The following CSPG5 variants were observed in gnomAD, a reference collection of about 807,000 sequenced individuals.
The protein encoded by CSPG5 is acidic leucine-rich EGF-like domain-containing brain protein.
A neutral mutation model predicts 39.8 loss-of-function variants in CSPG5; 25 were observed. The ratio of observed to expected loss-of-function variants is 0.63; its 90% CI spans 0.46 to 0.88. The LOEUF is 0.88. Ranked by LOEUF, CSPG5 falls within the 40% of genes least tolerant of loss-of-function variation. The pLI is 0.00. For synonymous variants in CSPG5, 295 were observed against 303.9 expected, an observed-to-expected ratio of 0.97 and a Z score of 0.31; for missense variants, 627 against 702.2, an observed-to-expected ratio of 0.89 and a Z score of 1.21.
intron 3 of CSPG5, among the ~76,000 whole-genome samples, 156 bp from the exon 4 acceptor site, chr3:47,569,383 C>T (rs1476490518): frequency 6.6e-6 from 1 of 151,742 alleles, no homozygotes; most frequent in Non-Finnish European, 1.5e-5. Context: ...GTGGGCAGAT[C>T]ACTCGAGGTC....
In CSPG5 at chr3:47,562,424, CTTATT is replaced by C. The variant is rs2031114076; in HGVS notation, c.*171_*175del. On this transcript the variant is annotated 3_prime_UTR_variant, in exon 5 of 5. Transcript: ENST00000264723. ...TATGCAATTCTGTTCAGTTTCTTTG[CTTATT>C]TTAAGTATTTTTTTGCCTCCTGTAC... The C allele has an allele frequency of 5.4e-6, 3 of 553,054 alleles. No homozygotes were observed. The highest frequency in any genetic ancestry group is 3.3e-5 in the South Asian group (1 of 30,486). The allele number at this position is 553,054 out of a possible 1,614,324, so 34.3% of individuals were successfully genotyped here.
rs2031121763 is a variant in CSPG5, at chr3:47,562,542, A to G, written c.*58T>C. On this transcript the variant is annotated 3_prime_UTR_variant, in exon 5 of 5. Coordinates refer to ENST00000264723, the MANE Select transcript of CSPG5 (RefSeq NM_006574.4). ...AAATAGACTCTGTACAAGAGGAGAT[A>G]ATGTTTCTTCCCCTACCCCCCACCC... 12 of 1,460,220 alleles carry G rather than the reference A, an allele frequency of 8.2e-6. No homozygotes were observed. Among genetic ancestry groups the G allele is most frequent in the Non-Finnish European group, 1.1e-5 (12 of 1,052,944 alleles). 90.5% of individuals were successfully genotyped at this position (1,460,220 alleles called of 1,614,324 possible).
At chr3:47,575,695 G>A (rs555754386) in intron 2 of CSPG5, among the ~76,000 whole-genome samples, 230 of 152,184 alleles carry the variant, frequency 1.5e-3, no homozygotes, top group Non-Finnish European at 2.6e-3. Flanking sequence ...TGCATTTTGG[G>A]GTCTGTTTCC....
rs1017139342 is a variant in CSPG5 at position 47,562,490 on chromosome 3, GAA to G, written c.*108_*109del. 43 of 1,116,574 alleles carry G rather than the reference GAA, an allele frequency of 3.9e-5. 1 individual carries two copies. In the African/African-American group the frequency reaches 4.7e-4, roughly 12 times the overall value. 69.2% of individuals were successfully genotyped at this position (1,116,574 alleles called of 1,614,324 possible). On this transcript the variant is annotated 3_prime_UTR_variant, in exon 5 of 5. Coordinates refer to ENST00000264723, the MANE Select transcript of CSPG5 (RefSeq NM_006574.4). ...AAAGCATGCCATGAGATCAGAAAAA[GAA>G]AAGAGTTTAACAAATGGTTACAAGA...
At position 47,562,691 on chromosome 3, in the gene CSPG5, T is replaced by G; in HGVS notation, c.1529A>C (p.Asn510Thr). Residue 510 changes from asparagine (N) to threonine (T), a missense_variant, in exon 5 of 5, where the codon AAC (asparagine) becomes ACC (threonine). Transcript: ENST00000264723. The stretch of plus-strand genomic sequence containing the variant: ...TTTGGGCGACATGGAGTTCTGGATG[T>G]TAAATGACTCCTCCTCTTTCAGGCA... The part of the protein sequence containing the change: ...KSCLKEEESF[N>T]IQNSMSPKLE... 4 of 1,614,092 alleles carry G rather than the reference T, an allele frequency of 2.5e-6. No individual in the cohort carries two copies. Among genetic ancestry groups the G allele is most frequent in the Non-Finnish European group, 3.4e-6 (4 of 1,180,010 alleles).
chr3:47,571,215 C>T (rs935198358), intron 3 of CSPG5, among the ~76,000 whole-genome samples: 22 of 151,828 alleles, frequency 1.4e-4, no homozygotes, highest in Non-Finnish European at 4.4e-5. Context: ...TGCAGTGCAC[C>T]AGGCACATGT....
chr3:47,579,091 G>C (rs1396037242), upstream of CSPG5: 1 of 156,506 alleles, frequency 6.4e-6, no homozygotes, highest in Admixed American at 6.5e-5. The surrounding 1 kb of genome is among the most constrained non-coding windows in gnomAD (Gnocchi z 4.2). Flanking sequence ...GGCGTTAGGC[G>C]GCAGGTGCAC....
In CSPG5 at chr3:47,578,676, G is replaced by A; in HGVS notation, c.18C>T (p.Gly6=). Residue 6 remains glycine (G), a synonymous_variant, in exon 1 of 5, where the codon GGC becomes GGT. Coordinates refer to ENST00000264723, the MANE Select transcript of CSPG5 (RefSeq NM_006574.4). The surrounding 1 kb of genome is among the most constrained non-coding windows in gnomAD (Gnocchi z 6.0). The part of the protein sequence containing the change: MGRAG[G]GGPGRGPPPL... ...GCGGCGGCCCCCGGCCCGGGCCCCC[G>A]CCCCCGGCTCGCCCCATGGCGCGGC... is the stretch of plus-strand genomic sequence containing the variant. The A allele has an allele frequency of 2.8e-6, 3 of 1,064,946 alleles. No homozygotes were observed. The highest frequency in any genetic ancestry group is 3.4e-6 in the Non-Finnish European group (3 of 871,530). 66.0% of individuals were successfully genotyped at this position (1,064,946 alleles called of 1,614,324 possible). A position where few individuals can be genotyped will look rare whatever the true frequency, so the allele number is the denominator to read the frequency against.
At chr3:47,576,807 T>C (rs1450728014) in intron 2 of CSPG5, 26 bp downstream of exon 2, 7 of 1,533,876 alleles carry the variant, frequency 4.6e-6, no homozygotes, top group African/African-American at 2.8e-5. Flanking sequence ...TCAGTGTCCC[T>C]ATGCACCTGC....
At chr3:47,566,466 C>A (rs987022999) in intron 4 of CSPG5, among the ~76,000 whole-genome samples, 16 of 152,172 alleles carry the variant, frequency 1.1e-4, no homozygotes, top group African/African-American at 3.9e-4. Context: ...ATCGGCAATG[C>A]CCACAAGATC....
intron 3 of CSPG5, among the ~76,000 whole-genome samples, chr3:47,570,301 G>A (rs956290849): frequency 2.0e-4 from 30 of 146,908 alleles, no homozygotes; most frequent in African/African-American, 6.6e-4. Context: ...ATGAGGTCTT[G>A]CTATGTTGCT....
chr3:47,562,723 G>A lies in CSPG5; in HGVS notation c.1497C>T (p.Leu499=), dbSNP rs773919844. ...PSAPHKIQEV[L]KSCLKEEESF... ...ACTCCTCCTCTTTCAGGCAGGACTT[G>A]AGAACCTCCTGGATTTTGTGGGGAG... Residue 499 remains leucine (L), a synonymous_variant, in exon 5 of 5, where the codon CTC becomes CTT. Transcript: ENST00000264723. The A allele has an allele frequency of 4.3e-6, 7 of 1,613,878 alleles. No individual in the cohort carries two copies. Among genetic ancestry groups the A allele is most frequent in the South Asian group, 1.1e-5 (1 of 91,052 alleles).
In CSPG5 at chr3:47,578,538, G is replaced by T. The variant is rs1458654750; in HGVS notation, c.97+59C>A. 2.9e-5 allele frequency: 16 copies of T among 556,348 alleles called. No homozygotes were observed. The highest frequency in any genetic ancestry group is 4.9e-5 in the East Asian group (1 of 20,536). 34.5% of individuals were successfully genotyped at this position (556,348 alleles called of 1,614,324 possible). A position where few individuals can be genotyped will look rare whatever the true frequency, so the allele number is the denominator to read the frequency against. ...CTCCACCTGTCCCCGCCGCCAGCGG[G>T]ACCCCTGCCCTGGGTGGGGCACGAG... On this transcript the variant is annotated intron_variant, in intron 1 of 4. Coordinates refer to ENST00000264723, the MANE Select transcript of CSPG5 (RefSeq NM_006574.4). This position sits in a 1 kb window ranked among gnomAD's most constrained non-coding sequence, Gnocchi z 6.0.
chr3:47,564,514 T>G (rs1398301283), intron 4 of CSPG5, among the ~76,000 whole-genome samples: 2 of 152,150 alleles, frequency 1.3e-5, no homozygotes, highest in African/African-American at 4.8e-5. Flanking sequence ...AACACATGTT[T>G]CTTGTTCCAA....
Position 47,562,796 on chromosome 3 carries a change from A to G in CSPG5, c.1459-35T>C, listed in dbSNP as rs1047981703. 3.3e-6 allele frequency: 5 copies of G among 1,532,112 alleles called. No homozygotes were observed. The African/African-American group carries it at 6.9e-5, about 21-fold the overall frequency. The allele number at this position is 1,532,112 out of a possible 1,614,324, so 94.9% of individuals were successfully genotyped here. On this transcript the variant is annotated intron_variant, in intron 4 of 4. Transcript: ENST00000264723. ...GGAAAAAGTTGGGGGGGGGGAGACA[A>G]TGCATACAGCAACCAAATAATAATA...
Position 47,577,111 on chromosome 3 carries a change from C to T in CSPG5, c.915G>A (p.Gly305=), listed in dbSNP as rs147289456. 6.8e-6 allele frequency: 11 copies of T among 1,613,958 alleles called. No individual in the cohort carries two copies. In the African/African-American group the frequency reaches 8.0e-5, roughly 12 times the overall value. ...CTGTCCCGGGCCCCAGACCAGGCTT[C>T]CCAGTGGGCACTAGAAGCTCATTTT... The part of the protein sequence containing the change: ...EDENELLVPT[G]KPGLGPGTGQ... Residue 305 remains glycine (G), a synonymous_variant, in exon 2 of 5, where the codon GGG becomes GGA. Coordinates refer to ENST00000264723, the MANE Select transcript of CSPG5 (RefSeq NM_006574.4). This position sits in a 1 kb window ranked among gnomAD's most constrained non-coding sequence, Gnocchi z 4.7.
chr3:47,569,221 G>C lies in CSPG5; in HGVS notation c.1389C>G (p.Phe463Leu). The change falls in exon 4 of 5, where the codon TTC becomes TTG. Residue 463 changes from phenylalanine (F) to leucine (L), a missense_variant. Transcript: ENST00000264723. Reference sequence around the variant, plus strand: ...CATTGTGGAGCTCAGATGGGGTCCGGAATTTGCTGGTTAGGAGAGAAGAGT... The same window carrying C: ...CATTGTGGAGCTCAGATGGGGTCCGCAATTTGCTGGTTAGGAGAGAAGAGT... ...ENTKLRRTNK[F>L]RTPSELHNDN... The C allele has an allele frequency of 6.2e-7, 1 of 1,613,648 alleles. No homozygotes were observed. The highest frequency in any genetic ancestry group is 1.1e-5 in the South Asian group (1 of 91,034).
At position 47,578,585 on chromosome 3, in the gene CSPG5, A is replaced by G; in HGVS notation, c.97+12T>C. Reference sequence around the variant, plus strand: ...CGAGGGCCGCGGGGGTCCCGGGCGCAGTCATACCTACCCGGCACGGCCCCA... The same window carrying G: ...CGAGGGCCGCGGGGGTCCCGGGCGCGGTCATACCTACCCGGCACGGCCCCA... On this transcript the variant is annotated intron_variant, in intron 1 of 4. Transcript: ENST00000264723. The surrounding 1 kb of genome is among the most constrained non-coding windows in gnomAD (Gnocchi z 6.0). 9.3e-7 allele frequency: 1 copy of G among 1,073,166 alleles called. No individual in the cohort carries two copies. Among genetic ancestry groups the G allele is most frequent in the Non-Finnish European group, 1.2e-6 (1 of 862,670 alleles). 66.5% of individuals were successfully genotyped at this position (1,073,166 alleles called of 1,614,324 possible).
At position 47,577,161 on chromosome 3, in the gene CSPG5, C is replaced by T. The variant is rs1357488458; in HGVS notation, c.865G>A (p.Val289Ile). Residue 289 changes from valine (V) to isoleucine (I), a missense_variant, in exon 2 of 5, where the codon GTA (valine) becomes ATA (isoleucine). Transcript: ENST00000264723. This position sits in a 1 kb window ranked among gnomAD's most constrained non-coding sequence, Gnocchi z 4.7. Reference sequence around the variant, plus strand: ...TCATCTTCTAGGTCTCCACCTCCTACTGCATCTTTGTCATCCTCCTCTTCC... The same window carrying T: ...TCATCTTCTAGGTCTCCACCTCCTATTGCATCTTTGTCATCCTCCTCTTCC... The part of the protein sequence containing the change: ...EEEEEDDKDA[V>I]GGGDLEDENE... 3 of 1,612,634 alleles carry T rather than the reference C, an allele frequency of 1.9e-6. No individual in the cohort carries two copies. The highest frequency in any genetic ancestry group is 2.5e-6 in the Non-Finnish European group (3 of 1,179,338).
Sources: allele counts gnomAD v4.1 joint callset (sites outside exome capture counted in the v4.1 genomes callset), GRCh38; gene constraint gnomAD v4.1.1; non-coding constraint Gnocchi (gnomAD v3.1); transcripts MANE v1.5; gene names NCBI Gene and HGNC (gene_info 2026-07-23, HGNC 2026-07-21).